Variants in TRIM37 observed in about 807,000 individuals in gnomAD.
TRIM37 encodes E3 ubiquitin-protein ligase TRIM37.
TRIM37 carries 80 observed loss-of-function variants against 129.8 expected under a neutral mutation model. That is an observed-to-expected ratio of 0.62 (90% confidence interval 0.51 to 0.74). The LOEUF (loss-of-function observed/expected upper bound fraction) is 0.74. TRIM37 is among the 30% of genes least tolerant of loss of function. The probability of loss-of-function intolerance (pLI) is 0.00; values close to 1 mark genes in which losing one functional copy is unlikely to be tolerated. For synonymous variants in TRIM37, 389 were observed against 387.1 expected (o/e 1.00, Z -0.06); for missense variants, 1,054 against 1,176.5 (o/e 0.90, Z 1.52).
chr17:58,982,991 A>T (rs908421356), intron 24 of TRIM37: 3 of 945,394 alleles, frequency 3.2e-6, no homozygotes, highest in Admixed American at 6.2e-5. Context: ...TTAGCGAAGT[A>T]AAAAAAAAAG....
chr17:59,041,318 G>A (rs541533117), intron 17 of TRIM37, among the ~76,000 whole-genome samples: 1 of 152,278 alleles, frequency 6.6e-6, no homozygotes, highest in South Asian at 2.1e-4. Flanking sequence ...TATATGACCA[G>A]GTAACTGAAA....
intron 22 of TRIM37, among the ~76,000 whole-genome samples, chr17:59,007,572 A>G (rs975179145): frequency 2.8e-4 from 43 of 152,270 alleles, no homozygotes; most frequent in African/African-American, 1.0e-3. Context: ...AAGAAGTCAG[A>G]GAGCAAAGCC....
the TRIM37 span, among the ~76,000 whole-genome samples, chr17:58,970,914 T>G: frequency 6.6e-6 from 1 of 152,118 alleles, no homozygotes; most frequent in South Asian, 2.1e-4. Flanking sequence ...TCACTCTGTC[T>G]TCTTCATCCT....
At position 59,001,734 on chromosome 17, in the gene TRIM37, A is replaced by G; in HGVS notation, c.2696-20T>C. 6.2e-7 allele frequency: 1 copy of G among 1,613,692 alleles called. No individual in the cohort carries two copies. Among genetic ancestry groups the G allele is most frequent in the Non-Finnish European group, 8.5e-7 (1 of 1,179,878 alleles). Reference sequence around the variant, plus strand: ...TCATTCCTGGCAGGAAGGAAGGAGAACATGTTTCTGAAAAGAAACCACTGT... The same window carrying G: ...TCATTCCTGGCAGGAAGGAAGGAGAGCATGTTTCTGAAAAGAAACCACTGT... On this transcript the variant is annotated intron_variant, in intron 22 of 23. Transcript: ENST00000262294.
chr17:59,033,866 C>T (rs1046238922), intron 17 of TRIM37, among the ~76,000 whole-genome samples: 9 of 151,370 alleles, frequency 5.9e-5, no homozygotes, highest in South Asian at 2.1e-4. Flanking sequence ...GCCTGTTATC[C>T]CAGCACTTTG....
At chr17:59,048,644 T>C (rs2040048559) in intron 15 of TRIM37, among the ~76,000 whole-genome samples, 1 of 152,150 alleles carries the variant, frequency 6.6e-6, no homozygotes, top group Admixed American at 6.5e-5. Context: ...TCTCCCAGGC[T>C]GGAGTGCAGT....
chr17:59,104,887 T>C (rs2045851548), intron 1 of TRIM37, among the ~76,000 whole-genome samples: 1 of 151,420 alleles, frequency 6.6e-6, no homozygotes, highest in East Asian at 1.9e-4. Context: ...AGGTCGGGAG[T>C]TCGAGACCAA....
intron 7 of TRIM37, among the ~76,000 whole-genome samples, chr17:59,078,486 C>T (rs1288607797): frequency 1.3e-5 from 2 of 152,066 alleles, no homozygotes; most frequent in Admixed American, 1.3e-4. Flanking sequence ...CAAACTCACT[C>T]AAGAAAAACA....
At chr17:59,032,614 C>T (rs1764537884) in intron 17 of TRIM37, among the ~76,000 whole-genome samples, 1 of 150,542 alleles carries the variant, frequency 6.6e-6, no homozygotes, top group South Asian at 2.1e-4. Context: ...CTCATTAGTA[C>T]TTAGAATTCA....
At chr17:58,992,474 G>A (rs1160967607) in intron 24 of TRIM37, among the ~76,000 whole-genome samples, 2 of 151,688 alleles carry the variant, frequency 1.3e-5, no homozygotes, top group Non-Finnish European at 1.5e-5. Flanking sequence ...TCCACCTCCC[G>A]GGTTCAAGTG....
At chr17:59,088,532 G>C in intron 3 of TRIM37, 125 bp from the exon 4 acceptor site, 1 of 698,100 alleles carries the variant, frequency 1.4e-6, no homozygotes, top group Non-Finnish European at 2.6e-6. Context: ...TTTTTTTTAA[G>C]AGATGAGTCT....
intron 8 of TRIM37, among the ~76,000 whole-genome samples, chr17:59,071,517 C>G (rs1003188462): frequency 6.6e-6 from 1 of 152,044 alleles, no homozygotes; most frequent in African/African-American, 2.4e-5. Context: ...GAACTCCTGA[C>G]CTCATGATCC....
chr17:59,036,733 T>C (rs74480489), intron 17 of TRIM37, among the ~76,000 whole-genome samples: 13 of 152,258 alleles, frequency 8.5e-5, no homozygotes, highest in Non-Finnish European at 1.8e-4. Context: ...AGCTTTTATA[T>C]AAGCCCAATC....
intron 24 of TRIM37, chr17:58,983,849 G>GTAATA (rs908351123): frequency 1.3e-5 from 2 of 152,616 alleles, no homozygotes; most frequent in African/African-American, 4.8e-5. Context: ...AAACAAGAGT[G>GTAATA]TAATATTGGT....
intron 12 of TRIM37, among the ~76,000 whole-genome samples, chr17:59,057,686 C>T (rs2041088713): frequency 2.0e-5 from 3 of 152,064 alleles, no homozygotes; most frequent in Admixed American, 2.0e-4. Flanking sequence ...CCATGCCCAG[C>T]TAATTTTTTG....
At chr17:58,970,167 CTG>C in the TRIM37 span, among the ~76,000 whole-genome samples, 1 of 152,152 alleles carries the variant, frequency 6.6e-6, no homozygotes, top group African/African-American at 2.4e-5. Context: ...CAGTGTTTTG[CTG>C]TGTATCTCTT....
chr17:59,057,616 C>A (rs536517125), intron 12 of TRIM37, among the ~76,000 whole-genome samples: 1 of 152,260 alleles, frequency 6.6e-6, no homozygotes, highest in East Asian at 1.9e-4. Flanking sequence ...CTCTGCCCCC[C>A]AGTTCAAGTG....
At chr17:58,989,442 A>T (rs991842930) in intron 24 of TRIM37, among the ~76,000 whole-genome samples, 2 of 152,030 alleles carry the variant, frequency 1.3e-5, no homozygotes, top group Non-Finnish European at 2.9e-5. Context: ...TCAAAAAAAT[A>T]AAAAAAATAA....
chr17:59,092,417 A>G (rs2044481229), intron 2 of TRIM37, among the ~76,000 whole-genome samples: 1 of 151,862 alleles, frequency 6.6e-6, no homozygotes, highest in African/African-American at 2.4e-5. Context: ...AAAAACAAAA[A>G]AAACGGTTTC....
Sources: allele counts gnomAD v4.1 joint callset (sites outside exome capture counted in the v4.1 genomes callset), GRCh38; gene constraint gnomAD v4.1.1; transcripts MANE v1.5; gene names NCBI Gene and HGNC (gene_info 2026-07-23, HGNC 2026-07-21).